The following PCDHA8 variants were observed in gnomAD, a reference collection of about 807,000 sequenced individuals.
PCDHA8 encodes the protein protocadherin alpha 8.
PCDHA8 carries 53 observed loss-of-function variants against 61.8 expected under a neutral mutation model. That is an observed-to-expected ratio of 0.86 (90% CI 0.69 to 1.08). The LOEUF (loss-of-function observed/expected upper bound fraction) is 1.08, where lower values mean the gene tolerates loss of function less well. PCDHA8 is among the 50% of genes least tolerant of loss of function. The pLI, the probability that PCDHA8 is intolerant of heterozygous loss-of-function variation, is 0.00. For missense variants in PCDHA8, 1,293 were observed against 1,245.0 expected (o/e 1.04, Z -0.58); for synonymous variants, 618 against 556.6 (o/e 1.11, Z -1.55).
chr5:140,877,760 G>T, intron 1 of PCDHA8: 1 of 1,614,194 alleles, frequency 6.2e-7, no homozygotes, highest in Non-Finnish European at 8.5e-7. Flanking sequence ...TCTGCAGAGA[G>T]CCCGCCCAAG....
At chr5:140,925,219 AG>A (rs1324328907) in intron 1 of PCDHA8, among the ~76,000 whole-genome samples, 1 of 152,238 alleles carries the variant, frequency 6.6e-6, no homozygotes, top group Admixed American at 6.5e-5. Context: ...ACTTTTAGGC[AG>A]GTTTCTACCA....
At chr5:140,853,280 T>C in intron 1 of PCDHA8, 1 of 980,192 alleles carries the variant, frequency 1.0e-6, no homozygotes, top group South Asian at 4.8e-5. Context: ...TCTCATCATA[T>C]GCAAATTCTC....
At chr5:140,987,956 C>T (rs1270495363) in intron 3 of PCDHA8, among the ~76,000 whole-genome samples, 2 of 152,144 alleles carry the variant, frequency 1.3e-5, no homozygotes, top group African/African-American at 4.8e-5. Flanking sequence ...ACAAAACCAA[C>T]TCCCCATGGA....
intron 1 of PCDHA8, chr5:140,862,433 G>C (rs781821294): frequency 2.8e-6 from 1 of 354,766 alleles, no homozygotes; most frequent in African/African-American, 2.1e-5. Context: ...GAAACTATTC[G>C]TTGGTACTCC....
In PCDHA8 at chr5:140,841,904, G is replaced by C. The variant is rs2150325203; in HGVS notation, c.583G>C (p.Val195Leu). The change falls in exon 1 of 4, where the codon GTA (valine) becomes CTA (leucine). Residue 195 changes from valine (V) to leucine (L), a missense_variant. Val to Leu is a conservative substitution (Grantham distance 32). Coordinates refer to ENST00000531613, the MANE Select transcript of PCDHA8 (RefSeq NM_018911.3). ...KNDENKLVEL[V>L]LRKSLDREDA... ...CGATGAGAATAAACTGGTTGAGCTCGTATTAAGAAAATCCTTGGACAGAGA... is the reference window on the plus strand; with the variant it reads ...CGATGAGAATAAACTGGTTGAGCTCCTATTAAGAAAATCCTTGGACAGAGA... 40 of 1,613,742 alleles carry C rather than the reference G, an allele frequency of 2.5e-5. 1 individual carries two copies. Among genetic ancestry groups the C allele is most frequent in the Non-Finnish European group, 3.2e-5 (38 of 1,179,858 alleles).
chr5:140,947,580 A>G (rs1031254382), intron 1 of PCDHA8, among the ~76,000 whole-genome samples: 2 of 151,664 alleles, frequency 1.3e-5, no homozygotes, highest in Non-Finnish European at 3.0e-5. Context: ...TGTTTTTAAC[A>G]TTTAGATCAA....
At chr5:140,914,596 C>G (rs1454753124) in intron 1 of PCDHA8, among the ~76,000 whole-genome samples, 1 of 152,128 alleles carries the variant, frequency 6.6e-6, no homozygotes, top group Non-Finnish European at 1.5e-5. Context: ...TAAGTAGGAA[C>G]TTCCTCCTGC....
chr5:140,869,250 G>T lies in PCDHA8; in HGVS notation c.2394+25535G>T, dbSNP rs371660992. ...ACGGCACCTTCGTGGGCCGCATCGC[G>T]CAGGACCTGGGGCTGGAGCTGGCGG... On this transcript the variant is annotated intron_variant, in intron 1 of 3. Transcript: ENST00000531613. The T allele has an allele frequency of 8.4e-5, 135 of 1,613,518 alleles. No homozygotes were observed. In the Middle Eastern group the frequency reaches 1.0e-3, roughly 13 times the overall value.
chr5:140,932,875 T>G (rs935730456), intron 1 of PCDHA8, among the ~76,000 whole-genome samples: 9 of 151,998 alleles, frequency 5.9e-5, no homozygotes, highest in African/African-American at 1.7e-4. Flanking sequence ...TTTGTTGTCT[T>G]CAATATTTTC....
intron 1 of PCDHA8, among the ~76,000 whole-genome samples, chr5:140,949,990 C>T (rs2094438709): frequency 6.6e-6 from 1 of 151,832 alleles, no homozygotes; most frequent in Non-Finnish European, 1.5e-5. Context: ...TAACTTTTCT[C>T]AGTCCACTTA....
chr5:140,868,562 A>C (rs2153231296), intron 1 of PCDHA8: 1 of 152,960 alleles, frequency 6.5e-6, no homozygotes, highest in South Asian at 2.1e-4. Flanking sequence ...TTTTTATATG[A>C]GGAACAACAC....
At chr5:140,953,950 A>G (rs1458991224) in intron 1 of PCDHA8, among the ~76,000 whole-genome samples, 1 of 151,936 alleles carries the variant, frequency 6.6e-6, no homozygotes, top group Non-Finnish European at 1.5e-5. Flanking sequence ...TTGCTCCCCC[A>G]ACAGGCCCCA....
intron 1 of PCDHA8, chr5:140,875,770 G>A: frequency 1.2e-6 from 2 of 1,614,230 alleles, no homozygotes; most frequent in East Asian, 2.2e-5. Flanking sequence ...CGGGCGGAGC[G>A]CGGAGTGCAG....
chr5:140,928,555 A>G, intron 1 of PCDHA8: 1 of 1,614,240 alleles, frequency 6.2e-7, no homozygotes, highest in Non-Finnish European at 8.5e-7. Flanking sequence ...TTATCCGGTT[A>G]TCTTGTTTCC....
At position 140,871,554 on chromosome 5, in the gene PCDHA8, T is replaced by G. The variant is rs1554165730; in HGVS notation, c.2394+27839T>G. On this transcript the variant is annotated intron_variant, in intron 1 of 3. Transcript: ENST00000531613. The stretch of plus-strand genomic sequence containing the variant: ...GTATGTGAAATTATTTAAAATCCAG[T>G]TTTTTTTCACGGATTTTTTAAGGGA... 18 of 1,487,284 alleles carry G rather than the reference T, an allele frequency of 1.2e-5. 1 individual carries two copies. The highest frequency in any genetic ancestry group is 1.8e-4 in the Middle Eastern group (1 of 5,534). The allele number at this position is 1,487,284 out of a possible 1,614,324, so 92.1% of individuals were successfully genotyped here.
intron 1 of PCDHA8, chr5:140,857,554 G>C: frequency 1.3e-6 from 2 of 1,596,880 alleles, no homozygotes; most frequent in Non-Finnish European, 1.7e-6. Flanking sequence ...GCGAGCGCTC[G>C]CTGTCGAGCT....
rs192109857 is a variant in PCDHA8 at position 140,852,433 on chromosome 5, G to A, written c.2394+8718G>A. 4.2e-4 allele frequency: 75 copies of A among 180,184 alleles called. 1 individual carries two copies. The East Asian group carries it at 0.014, about 33-fold the overall frequency. The allele number at this position is 180,184 out of a possible 1,614,324, so 11.2% of individuals were successfully genotyped here. A position where few individuals can be genotyped will look rare whatever the true frequency, so the allele number is the denominator to read the frequency against. The stretch of plus-strand genomic sequence containing the variant: ...GCTGGGATTATAGGCACATGCCACC[G>A]CGCCCAGCTAATTTTTGTATTTTTA... On this transcript the variant is annotated intron_variant, in intron 1 of 3. Transcript: ENST00000531613.
At chr5:140,893,434 C>G (rs1554185617) in intron 1 of PCDHA8, among the ~76,000 whole-genome samples, 1 of 152,042 alleles carries the variant, frequency 6.6e-6, no homozygotes, top group African/African-American at 2.4e-5. Context: ...AGGAAGATCG[C>G]TTGAAGCCAG....
chr5:140,850,244 G>C, intron 1 of PCDHA8: 1 of 1,593,676 alleles, frequency 6.3e-7, no homozygotes, highest in Non-Finnish European at 8.6e-7. Flanking sequence ...TGGTGCTGCG[G>C]TCGGTGGGCG....
Sources: gnomAD v4.1 joint callset for allele counts (sites outside exome capture counted in the v4.1 genomes callset) on GRCh38, gnomAD v4.1.1 for gene constraint, MANE v1.5 for transcripts, NCBI Gene and HGNC (gene_info 2026-07-23, HGNC 2026-07-21) for gene names.